The following CCL28 variants were observed in gnomAD, a reference collection of about 807,000 sequenced individuals.
CCL28 encodes the protein C-C motif chemokine ligand 28, also known as C-C motif chemokine 28.
In CCL28, 4 loss-of-function variants were observed where a neutral mutation model predicts 7.1. That is an observed-to-expected ratio of 0.56 (90% CI 0.28 to 1.29). The LOEUF (loss-of-function observed/expected upper bound fraction) is 1.29. CCL28 is among the 50% of genes most tolerant of loss of function. The probability of loss-of-function intolerance (pLI) is 0.11; values close to 1 mark genes in which losing one functional copy is unlikely to be tolerated. For missense variants in CCL28, 151 were observed against 163.4 expected, an observed-to-expected ratio of 0.92 and a Z score of 0.41; for synonymous variants, 55 against 57.8, an observed-to-expected ratio of 0.95 and a Z score of 0.22.
chr5:43,375,928 G>A (rs569266436), downstream of CCL28, among the ~76,000 whole-genome samples: 6 of 151,964 alleles, frequency 3.9e-5, no homozygotes, highest in Non-Finnish European at 7.4e-5. Flanking sequence ...CCAACTACTC[G>A]GGAGGCTGAG....
chr5:43,404,250 G>A (rs1741169878), intron 1 of CCL28, among the ~76,000 whole-genome samples: 1 of 152,188 alleles, frequency 6.6e-6, no homozygotes, highest in South Asian at 2.1e-4. Context: ...GTTAAGGGCA[G>A]CCAGAGAGAA....
chr5:43,377,730 T>C (rs1739939896), downstream of CCL28, among the ~76,000 whole-genome samples: 1 of 84,740 alleles, frequency 1.2e-5, no homozygotes, highest in African/African-American at 4.8e-5. Context: ...TTTTTTTTTT[T>C]TTTTTTTTTT....
At chr5:43,388,970 A>G (rs1318559855) in intron 1 of CCL28, among the ~76,000 whole-genome samples, 1 of 152,192 alleles carries the variant, frequency 6.6e-6, no homozygotes, top group Non-Finnish European at 1.5e-5. Flanking sequence ...AGTGTTAAAG[A>G]GTTATGTTCA....
At chr5:43,361,590 C>T in the CCL28 span, among the ~76,000 whole-genome samples, 1 of 152,140 alleles carries the variant, frequency 6.6e-6, no homozygotes, top group Non-Finnish European at 1.5e-5. Context: ...ATGGCACTGC[C>T]TAGGTTGTCT....
rs1740009088 is a variant in CCL28, at chr5:43,379,261, AGTT to A, written c.*2596_*2598del. On this transcript the variant is annotated 3_prime_UTR_variant, in exon 3 of 3. Coordinates refer to ENST00000361115, the MANE Select transcript of CCL28 (RefSeq NM_148672.3). ...TTAATTTAAAATGGAAAATAATTCA[AGTT>A]GTTAGTTGAAAGAATTAGACACCAG... 6.8e-6 allele frequency: 1 copy of A among 147,784 alleles called. No homozygotes were observed. Among genetic ancestry groups the A allele is most frequent in the African/African-American group, 2.5e-5 (1 of 40,000 alleles). 9.2% of individuals were successfully genotyped at this position (147,784 alleles called of 1,614,324 possible).
intron 1 of CCL28, 27 bp from the exon 2 acceptor site, chr5:43,388,503 T>A (rs367712612): frequency 1.2e-6 from 2 of 1,609,470 alleles, no homozygotes; most frequent in African/African-American, 2.7e-5. Context: ...AAGAAAATGT[T>A]AAATTTTACG....
intron 1 of CCL28, among the ~76,000 whole-genome samples, chr5:43,408,634 A>G (rs555204318): frequency 3.9e-5 from 6 of 152,288 alleles, no homozygotes; most frequent in South Asian, 4.1e-4. Flanking sequence ...ACCTTTAAGT[A>G]TAATAAAAAA....
In CCL28 at chr5:43,380,912, G is replaced by C. The variant is rs1024833848; in HGVS notation, c.*948C>G. On this transcript the variant is annotated 3_prime_UTR_variant, in exon 3 of 3. Coordinates refer to ENST00000361115, the MANE Select transcript of CCL28 (RefSeq NM_148672.3). Reference sequence around the variant, plus strand: ...TATTTGCAATATGTATGTCAACCTTGATTGATTACTGGAGTGAAAAAAAAA... The same window carrying C: ...TATTTGCAATATGTATGTCAACCTTCATTGATTACTGGAGTGAAAAAAAAA... 2 of 151,778 alleles carry C rather than the reference G, an allele frequency of 1.3e-5. No individual in the cohort carries two copies. The highest frequency in any genetic ancestry group is 2.4e-5 in the African/African-American group (1 of 41,302). The allele number at this position is 151,778 out of a possible 1,614,324, so 9.4% of individuals were successfully genotyped here. A position where few individuals can be genotyped will look rare whatever the true frequency, so the allele number is the denominator to read the frequency against.
intron 2 of CCL28, among the ~76,000 whole-genome samples, chr5:43,387,473 G>A (rs918772684): frequency 1.3e-5 from 2 of 152,206 alleles, no homozygotes; most frequent in Admixed American, 1.3e-4. Flanking sequence ...CAGGGGCAGG[G>A]GTGGGAGGCT....
chr5:43,411,427 G>A (rs996107173), intron 1 of CCL28, among the ~76,000 whole-genome samples: 2 of 152,166 alleles, frequency 1.3e-5, no homozygotes, highest in African/African-American at 2.4e-5. Context: ...AGCAACTCAC[G>A]ATTTAAATTC....
At chr5:43,369,235 C>A in the CCL28 span, among the ~76,000 whole-genome samples, 12 of 152,204 alleles carry the variant, frequency 7.9e-5, no homozygotes, top group South Asian at 1.0e-3. Context: ...CACTAGAAGG[C>A]AGGGATGATT....
At position 43,406,631 on chromosome 5, in the gene CCL28, T is replaced by C. The variant is rs746683696; in HGVS notation, c.64+5622A>G. 3.7e-4 allele frequency among the ~76,000 whole-genome samples: 57 copies of C among 152,348 alleles called. 1 individual carries two copies. Among genetic ancestry groups the C allele is most frequent in the Middle Eastern group, 3.4e-3 (1 of 294 alleles). ...CTCACCTTCCTATTCATCATAGTGT[T>C]GGAAGTTCTGGCCAGGGCAATTAGG... On this transcript the variant is annotated intron_variant, in intron 1 of 2. Coordinates refer to ENST00000361115, the MANE Select transcript of CCL28 (RefSeq NM_148672.3).
chr5:43,400,443 C>T (rs1460957073), intron 1 of CCL28, among the ~76,000 whole-genome samples: 2 of 152,154 alleles, frequency 1.3e-5, no homozygotes, highest in Non-Finnish European at 2.9e-5. Context: ...ACCTTTGTCT[C>T]CCCAAGTGCT....
the CCL28 span, among the ~76,000 whole-genome samples, chr5:43,371,007 G>A: frequency 6.6e-6 from 1 of 152,198 alleles, no homozygotes; most frequent in African/African-American, 2.4e-5. Context: ...CTCCCAAAGT[G>A]CTGGGATTAC....
the CCL28 span, among the ~76,000 whole-genome samples, chr5:43,363,412 G>A: frequency 6.6e-6 from 1 of 152,132 alleles, no homozygotes; most frequent in East Asian, 1.9e-4. Context: ...TATCCTTACT[G>A]GACCAGACAC....
At chr5:43,407,599 T>A (rs1741340123) in intron 1 of CCL28, among the ~76,000 whole-genome samples, 1 of 152,214 alleles carries the variant, frequency 6.6e-6, no homozygotes, top group Admixed American at 6.5e-5. Context: ...ACTTCATGAC[T>A]AAAACACCAA....
intron 1 of CCL28, among the ~76,000 whole-genome samples, chr5:43,408,516 C>T (rs1203151317): frequency 1.3e-5 from 2 of 152,094 alleles, no homozygotes; most frequent in African/African-American, 2.4e-5. Flanking sequence ...GGAGGGATAG[C>T]GTTAGGAGAT....
At chr5:43,401,469 T>A (rs1013093848) in intron 1 of CCL28, among the ~76,000 whole-genome samples, 4 of 152,208 alleles carry the variant, frequency 2.6e-5, no homozygotes, top group African/African-American at 4.8e-5. Context: ...TACTTAAGCA[T>A]GTGGAGACTA....
Position 43,412,246 on chromosome 5 carries a change from C to A in CCL28, c.64+7G>T. ...TGAAGGCCTAAGTGTCCAGTGCCCC[C>A]ACTCACCTTCTGAGGCATGTAGGGC... On this transcript the variant is annotated splice_region_variant and intron_variant, in intron 1 of 2. Coordinates refer to ENST00000361115, the MANE Select transcript of CCL28 (RefSeq NM_148672.3). 6.2e-7 allele frequency: 1 copy of A among 1,609,926 alleles called. No individual in the cohort carries two copies. The highest frequency in any genetic ancestry group is 8.5e-7 in the Non-Finnish European group (1 of 1,177,586).
Sources: allele counts gnomAD v4.1 joint callset (sites outside exome capture counted in the v4.1 genomes callset), GRCh38; gene constraint gnomAD v4.1.1; transcripts MANE v1.5; gene names NCBI Gene and HGNC (gene_info 2026-07-23, HGNC 2026-07-21).